TULP4: variants seen among roughly 807,000 people sequenced by gnomAD.
The protein encoded by TULP4 is tubby-related protein 4.
Under a neutral mutation model 129.0 loss-of-function variants are expected in TULP4, and 16 were observed. That is an observed-to-expected ratio of 0.12 (90% CI 0.08 to 0.19). The LOEUF (loss-of-function observed/expected upper bound fraction) is 0.19. Among genes scored for constraint, TULP4 ranks in the 10% least tolerant of loss-of-function variants. The pLI, the probability that TULP4 is intolerant of heterozygous loss-of-function variation, is 1.00. For synonymous variants in TULP4, 998 were observed against 854.0 expected (o/e 1.17, Z -2.94); for missense variants, 1,842 against 2,059.1 (o/e 0.89, Z 2.04).
At chr6:158,269,428 A>G (rs925304914) in intron 1 of TULP4, among the ~76,000 whole-genome samples, 11 of 151,898 alleles carry the variant, frequency 7.2e-5, no homozygotes, top group African/African-American at 2.7e-4. Context: ...TGGGAGACTG[A>G]GAACATGGAG....
In TULP4 at chr6:158,493,454, C is replaced by T. The variant is rs1780260034; in HGVS notation, c.1632-119C>T. 4.5e-6 allele frequency: 5 copies of T among 1,099,320 alleles called. No individual in the cohort carries two copies. In the Admixed American group the frequency reaches 1.2e-4, roughly 27 times the overall value. 68.1% of individuals were successfully genotyped at this position (1,099,320 alleles called of 1,614,324 possible). A position where few individuals can be genotyped will look rare whatever the true frequency, so the allele number is the denominator to read the frequency against. ...CTTTGTTAAATTCGGGCACTGGCTG[C>T]AGGGTGAGAACCCAACACCCAGGCT... On this transcript the variant is annotated intron_variant, in intron 9 of 13. Coordinates refer to ENST00000367097, the MANE Select transcript of TULP4 (RefSeq NM_020245.5). This position sits in a 1 kb window ranked among gnomAD's most constrained non-coding sequence, Gnocchi z 4.4.
At chr6:158,297,388 CAT>C (rs757432829) in intron 1 of TULP4, among the ~76,000 whole-genome samples, 74 of 152,220 alleles carry the variant, frequency 4.9e-4, no homozygotes, top group Admixed American at 2.2e-3. Context: ...TTCAAACACA[CAT>C]GTTTTACAAT....
intron 1 of TULP4, among the ~76,000 whole-genome samples, chr6:158,269,376 T>G (rs2128461021): frequency 8.6e-6 from 1 of 115,964 alleles, no homozygotes; most frequent in African/African-American, 3.0e-5. Context: ...AGTTTCAGCA[T>G]TTGTAAAAAA....
chr6:158,340,470 C>T (rs1780154874), intron 1 of TULP4, among the ~76,000 whole-genome samples: 2 of 152,066 alleles, frequency 1.3e-5, no homozygotes, highest in South Asian at 4.1e-4. Flanking sequence ...GTGTGCATAT[C>T]TCGTCAGCTG....
intron 5 of TULP4, among the ~76,000 whole-genome samples, chr6:158,453,128 G>A (rs1045187927): frequency 7.2e-5 from 11 of 152,198 alleles, no homozygotes; most frequent in South Asian, 2.1e-4. Flanking sequence ...ATTACCGTGC[G>A]CTACTGCTGC....
At chr6:158,352,483 A>G (rs1256005540) in intron 1 of TULP4, among the ~76,000 whole-genome samples, 1 of 151,928 alleles carries the variant, frequency 6.6e-6, no homozygotes, top group Admixed American at 6.6e-5. Flanking sequence ...TGCAAACTCC[A>G]CCTCCCGGGT....
intron 6 of TULP4, among the ~76,000 whole-genome samples, chr6:158,469,292 G>A (rs1323772708): frequency 2.7e-5 from 4 of 147,556 alleles, no homozygotes; most frequent in East Asian, 4.0e-4. Context: ...TTTTTTTCTC[G>A]AGACAGGATC....
intron 1 of TULP4, among the ~76,000 whole-genome samples, chr6:158,364,897 G>A (rs1780890593): frequency 1.3e-5 from 2 of 151,928 alleles, no homozygotes; most frequent in African/African-American, 2.4e-5. Context: ...CACCACGCCT[G>A]GCTAATTTTT....
intron 1 of TULP4, among the ~76,000 whole-genome samples, chr6:158,290,059 C>G (rs1778904946): frequency 6.6e-6 from 1 of 151,626 alleles, no homozygotes; most frequent in African/African-American, 2.4e-5. Context: ...ACCTCAGTCT[C>G]TTGTGTAGCT....
intron 1 of TULP4, among the ~76,000 whole-genome samples, chr6:158,329,126 A>G (rs917947402): frequency 6.6e-6 from 1 of 152,272 alleles, no homozygotes; most frequent in African/African-American, 2.4e-5. Context: ...CCAAGATTCT[A>G]TTGCTGGGTG....
intron 1 of TULP4, among the ~76,000 whole-genome samples, chr6:158,393,145 T>C: frequency 6.6e-6 from 1 of 152,168 alleles, no homozygotes; most frequent in East Asian, 1.9e-4. Context: ...AGCCATTAAA[T>C]CTTAAAGCTC....
intron 2 of TULP4, among the ~76,000 whole-genome samples, chr6:158,427,470 C>CTTTTTTTTTTTTTTTTTTTTTTTTTTT (rs1251385882): frequency 9.9e-6 from 1 of 100,678 alleles, no homozygotes. Flanking sequence ...AATTATCAGA[C>CTTTTTTTTTTTTTTTTTTTTTTTTTTT]CTTTTTTTTT....
At position 158,429,862 on chromosome 6, in the gene TULP4, A is replaced by G; in HGVS notation, c.508A>G (p.Ile170Val). ...ATCCGAAATCAACTTGGAAAGTCAA[A>G]TTACGTGTGGCATATGGACTCCTGA... Reference protein sequence around the residue: ...WSSEINLESQITCGIWTPDDQ... With the variant: ...WSSEINLESQVTCGIWTPDDQ... The change falls in exon 3 of 14, where the codon ATT (isoleucine) becomes GTT (valine). Residue 170 changes from isoleucine to valine, a missense_variant. Coordinates refer to ENST00000367097, the MANE Select transcript of TULP4 (RefSeq NM_020245.5). The G allele has an allele frequency of 6.2e-7, 1 of 1,614,070 alleles. No individual in the cohort carries two copies. The highest frequency in any genetic ancestry group is 8.5e-7 in the Non-Finnish European group (1 of 1,180,018).
chr6:158,248,469 T>C (rs1397914366), intron 1 of TULP4, among the ~76,000 whole-genome samples: 2 of 152,018 alleles, frequency 1.3e-5, no homozygotes, highest in Non-Finnish European at 2.9e-5. Context: ...CGGGGTTTCA[T>C]TGTGTTAGCC....
chr6:158,384,457 T>C (rs1281421075), intron 1 of TULP4, among the ~76,000 whole-genome samples: 2 of 151,972 alleles, frequency 1.3e-5, no homozygotes, highest in Non-Finnish European at 2.9e-5. Flanking sequence ...CCGGCTAATT[T>C]TTTTGTATTT....
chr6:158,417,510 C>G (rs947211812), intron 2 of TULP4, among the ~76,000 whole-genome samples: 2 of 152,204 alleles, frequency 1.3e-5, no homozygotes, highest in Non-Finnish European at 2.9e-5. Context: ...TTAGAACCCA[C>G]TGAGCAACTG....
intron 1 of TULP4, among the ~76,000 whole-genome samples, chr6:158,277,262 G>C (rs1778664255): frequency 6.6e-6 from 1 of 152,162 alleles, no homozygotes; most frequent in Non-Finnish European, 1.5e-5. Flanking sequence ...ATTTATGCTA[G>C]GTCTGTCTCT....
At chr6:158,461,429 A>AAT in intron 5 of TULP4, 134 bp from the exon 6 acceptor site, 1 of 921,382 alleles carries the variant, frequency 1.1e-6, no homozygotes, top group Non-Finnish European at 1.6e-6. Flanking sequence ...AAAAAAAAGG[A>AAT]AAAAACCATG....
chr6:158,239,385 G>A (rs1298265926), intron 1 of TULP4, among the ~76,000 whole-genome samples: 1 of 68,900 alleles, frequency 1.5e-5, no homozygotes, highest in African/African-American at 4.4e-5. Flanking sequence ...CCTCCCTCCC[G>A]GACGGGGCGG....
Sources: allele counts gnomAD v4.1 joint callset (sites outside exome capture counted in the v4.1 genomes callset), GRCh38; gene constraint gnomAD v4.1.1; non-coding constraint Gnocchi (gnomAD v3.1); transcripts MANE v1.5; gene names NCBI Gene and HGNC (gene_info 2026-07-23, HGNC 2026-07-21).